The following ZNF208 variants were observed in gnomAD, a reference collection of about 807,000 sequenced individuals.
ZNF208 encodes the protein zinc finger protein 208.
ZNF208 carries 10 observed loss-of-function variants against 12.1 expected under a neutral mutation model. The ratio of observed to expected loss-of-function variants is 0.83; its 90% CI spans 0.51 to 1.40. The LOEUF (loss-of-function observed/expected upper bound fraction) is 1.40, where lower values mean the gene tolerates loss of function less well. Among genes scored for constraint, ZNF208 ranks in the 40% most tolerant of loss-of-function variants. The pLI, the probability that ZNF208 is intolerant of heterozygous loss-of-function variation, is 0.00. For missense variants in ZNF208, 1,652 were observed against 1,485.0 expected (o/e 1.11, Z -1.85); for synonymous variants, 497 against 488.4 (o/e 1.02, Z -0.23).
intron 3 of ZNF208, among the ~76,000 whole-genome samples, chr19:21,978,139 A>G (rs1970467670): frequency 6.6e-6 from 1 of 152,194 alleles, no homozygotes; most frequent in South Asian, 2.1e-4. Context: ...GACAGCTGTG[A>G]GTGCAGCTTC....
At chr19:21,964,690 C>T (rs1281083284), downstream of ZNF208, among the ~76,000 whole-genome samples, 2 of 151,672 alleles carry the variant, frequency 1.3e-5, no homozygotes, top group Non-Finnish European at 3.0e-5. Flanking sequence ...CTAGGATTAG[C>T]TTATTATTAC....
chr19:21,964,097 C>T (rs1417519465), downstream of ZNF208, among the ~76,000 whole-genome samples: 2 of 151,746 alleles, frequency 1.3e-5, no homozygotes, highest in Non-Finnish European at 2.9e-5. Flanking sequence ...CACTGTATGC[C>T]ATAAATATGT....
chr19:21,950,023 T>G (rs1388745812), intron 4 of ZNF208, among the ~76,000 whole-genome samples: 1 of 152,150 alleles, frequency 6.6e-6, no homozygotes, highest in Non-Finnish European at 1.5e-5. Flanking sequence ...CTAAAGAGCC[T>G]AAACAGGATT....
At position 21,948,566 on chromosome 19, in the gene ZNF208, C is replaced by T. The variant is rs114145930; in HGVS notation, c.306-15329G>A. On this transcript the variant is annotated intron_variant, in intron 4 of 4. Coordinates refer to the ZNF208 transcript ENST00000599916. ...ACCCACATAATTGCTGTTGCCCCTA[C>T]AGAAAATGCCCAATAAACATGGTGT... Among the ~76,000 whole-genome samples, 1,171 of 152,250 alleles carry T rather than the reference C, an allele frequency of 7.7e-3. 9 individuals carry two copies. The highest frequency in any genetic ancestry group is 0.026 in the African/African-American group (1,097 of 41,534).
In ZNF208 at chr19:21,971,948, T is replaced by C. The variant is rs754583633; in HGVS notation, c.3086A>G (p.Tyr1029Cys). The change falls in exon 4 of 4, where the codon TAC becomes TGC. Residue 1029 changes from tyrosine to cysteine, a missense_variant. Physicochemically the swap from Tyr to Cys is radical, Grantham distance 194 (BLOSUM62 -2). Transcript: ENST00000397126. ...GGCTTTGTCACATTCTTCACATTTG[T>C]AGGGTGTCTCTCCAGTGTGAATTTT... ...HKKIHTGETP[Y>C]KCEECDKAFS... 6.3e-7 allele frequency: 1 copy of C among 1,576,732 alleles called. No homozygotes were observed. Among genetic ancestry groups the C allele is most frequent in the Admixed American group, 1.7e-5 (1 of 58,454 alleles).
chr19:21,953,258 A>G (rs1969920602), intron 4 of ZNF208, among the ~76,000 whole-genome samples: 1 of 152,200 alleles, frequency 6.6e-6, no homozygotes, highest in African/African-American at 2.4e-5. Context: ...ATTAGCCAGG[A>G]GAACTTCCCC....
At chr19:21,991,447 GAATT>G (rs1390084902) in intron 1 of ZNF208, 1 of 152,168 alleles carries the variant, frequency 6.6e-6, no homozygotes, top group Non-Finnish European at 1.5e-5. Context: ...ACATCATACA[GAATT>G]AATTGTGTGC....
rs1555747868 is a variant in ZNF208, at chr19:21,994,949, C to CTTTCTTT, written c.4-6041_4-6040insAAAGAAA. Among the ~76,000 whole-genome samples, 2 of 38,216 alleles carry CTTTCTTT rather than the reference C, an allele frequency of 5.2e-5. 1 individual carries two copies. 25.1% of individuals were successfully genotyped at this position (38,216 alleles called of 152,430 possible). A position where few individuals can be genotyped will look rare whatever the true frequency, so the allele number is the denominator to read the frequency against. ...CAATCATGACTGCTTATCTGTTTTT[C>CTTTCTTT]TTTTCTTTTTTTTTTTTTTTGAGAC... On this transcript the variant is annotated intron_variant, in intron 1 of 3. Coordinates refer to ENST00000397126, the MANE Select transcript of ZNF208 (RefSeq NM_007153.3).
At chr19:21,952,661 T>C (rs1323512492) in intron 4 of ZNF208, among the ~76,000 whole-genome samples, 2 of 152,210 alleles carry the variant, frequency 1.3e-5, no homozygotes, top group African/African-American at 4.8e-5. Context: ...ACCCCATCTG[T>C]ATGTCACCAA....
rs186802198 is a variant in ZNF208, at chr19:21,984,325, C to T, written c.226+2891G>A. Among the ~76,000 whole-genome samples, 43 of 152,252 alleles carry T rather than the reference C, an allele frequency of 2.8e-4. No individual in the cohort carries two copies. In the East Asian group the frequency reaches 7.7e-3, roughly 27 times the overall value. On this transcript the variant is annotated intron_variant, in intron 3 of 3. Transcript: ENST00000397126. ...ATCCCAGCACCTTGGAAGGCCAAGG[C>T]TGGTGAATCACAAGGTCAGGAGATC...
chr19:21,958,015 G>C (rs1970003628), intron 4 of ZNF208, among the ~76,000 whole-genome samples: 1 of 151,698 alleles, frequency 6.6e-6, no homozygotes, highest in Admixed American at 6.6e-5. Context: ...CCCCCGGAGT[G>C]TGATGTTTCC....
chr19:22,001,912 A>G (rs1168012156), intron 1 of ZNF208, among the ~76,000 whole-genome samples: 3 of 146,612 alleles, frequency 2.0e-5, no homozygotes, highest in African/African-American at 5.0e-5. Context: ...AAAAAAAAAA[A>G]AAAAAAAAAG....
At position 21,975,851 on chromosome 19, in the gene ZNF208, A is replaced by AAAAAAAAAAAAAG. The variant is rs377638519; in HGVS notation, c.227-1045_227-1044insCTTTTTTTTTTTT. Among the ~76,000 whole-genome samples the AAAAAAAAAAAAAG allele has an allele frequency of 1.6e-4, 15 of 91,880 alleles. 3 individuals carry two copies. The highest frequency in any genetic ancestry group is 4.1e-4 in the African/African-American group (9 of 21,968). The allele number at this position is 91,880 out of a possible 152,430, so 60.3% of individuals were successfully genotyped here. On this transcript the variant is annotated intron_variant, in intron 3 of 3. Transcript: ENST00000397126. The stretch of plus-strand genomic sequence containing the variant: ...AAAAAAAAAAAAAAAAAAAAAAAAA[A>AAAAAAAAAAAAAG]GCTATCAAGTGAGAATAATACCATC...
chr19:21,957,980 C>A (rs1475123480), intron 4 of ZNF208, among the ~76,000 whole-genome samples: 1 of 151,946 alleles, frequency 6.6e-6, no homozygotes, highest in African/African-American at 2.4e-5. Context: ...AGCTATTCCT[C>A]CCCCTTCCCA....
intron 3 of ZNF208, among the ~76,000 whole-genome samples, chr19:21,976,590 T>C (rs1193469302): frequency 6.6e-6 from 1 of 152,240 alleles, no homozygotes; most frequent in African/African-American, 2.4e-5. Context: ...GACAAAGTTT[T>C]ACTTTTGTTG....
At chr19:21,962,795 A>T (rs912323131), downstream of ZNF208, among the ~76,000 whole-genome samples, 1 of 152,108 alleles carries the variant, frequency 6.6e-6, no homozygotes, top group African/African-American at 2.4e-5. Flanking sequence ...TCAATAATAA[A>T]ATGCTTGTGG....
intron 4 of ZNF208, among the ~76,000 whole-genome samples, chr19:21,956,974 A>G (rs1382268939): frequency 6.6e-6 from 1 of 151,960 alleles, no homozygotes; most frequent in Non-Finnish European, 1.5e-5. Flanking sequence ...ACTTCTATCA[A>G]CTAGTTATAA....
intron 4 of ZNF208, among the ~76,000 whole-genome samples, chr19:21,955,940 G>A (rs138257968): frequency 0.011 from 1,736 of 152,250 alleles, 34 homozygotes; most frequent in African/African-American, 0.04. Context: ...CAGCTTTTCT[G>A]CTCTGGTTTC....
At chr19:21,998,424 G>C (rs1970880663) in intron 1 of ZNF208, 1 of 152,712 alleles carries the variant, frequency 6.5e-6, no homozygotes, top group Non-Finnish European at 1.5e-5. Context: ...CCCAAGTGCT[G>C]GGATTACAGG....
Sources: allele counts gnomAD v4.1 joint callset (sites outside exome capture counted in the v4.1 genomes callset), GRCh38; gene constraint gnomAD v4.1.1; transcripts MANE v1.5; gene names NCBI Gene and HGNC (gene_info 2026-07-23, HGNC 2026-07-21).